Variants in ACCSL observed in about 807,000 individuals in gnomAD.
ACCSL encodes 1-aminocyclopropane-1-carboxylate synthase homolog (inactive) like, also known as probable inactive 1-aminocyclopropane-1-carboxylate synthase-like protein 2.
ACCSL carries 55 observed loss-of-function variants against 61.7 expected under a neutral mutation model. The ratio of observed to expected loss-of-function variants is 0.89; its 90% CI spans 0.72 to 1.12. The LOEUF (loss-of-function observed/expected upper bound fraction) is 1.12, where lower values mean the gene tolerates loss of function less well. Ranked by LOEUF, ACCSL falls within the 50% of genes most tolerant of loss-of-function variation. The pLI is 0.00. For synonymous variants in ACCSL, 258 were observed against 264.3 expected, an observed-to-expected ratio of 0.98 and a Z score of 0.23; for missense variants, 632 against 698.0, an observed-to-expected ratio of 0.91 and a Z score of 1.07.
At chr11:44,004,059 G>T in the ACCSL span, among the ~76,000 whole-genome samples, 17 of 152,112 alleles carry the variant, frequency 1.1e-4, no homozygotes, top group Non-Finnish European at 2.5e-4. Context: ...CCAGAATGAG[G>T]TATCTGGGAC....
At chr11:44,020,987 C>T in the ACCSL span, among the ~76,000 whole-genome samples, 180 of 152,090 alleles carry the variant, frequency 1.2e-3, 2 homozygotes, top group African/African-American at 4.2e-3. Context: ...AGTAGTATTC[C>T]ATGGTGTGTG....
At chr11:44,037,715 C>G in the ACCSL span, among the ~76,000 whole-genome samples, 2 of 152,174 alleles carry the variant, frequency 1.3e-5, no homozygotes, top group African/African-American at 4.8e-5. Context: ...TCATTCTTGT[C>G]TTCAGTCATT....
chr11:44,033,926 G>T, the ACCSL span, among the ~76,000 whole-genome samples: 1 of 145,228 alleles, frequency 6.9e-6, no homozygotes, highest in Non-Finnish European at 1.5e-5. Flanking sequence ...TCTAAGCAAA[G>T]TAATGAGATG....
intron 3 of ACCSL, among the ~76,000 whole-genome samples, chr11:44,050,840 C>CTTTTTT (rs66464203): frequency 2.4e-5 from 3 of 126,768 alleles, no homozygotes; most frequent in Non-Finnish European, 5.0e-5. Context: ...GGCCTGAGTT[C>CTTTTTT]TTTTTTTTTT....
At chr11:44,012,572 C>T in the ACCSL span, among the ~76,000 whole-genome samples, 2 of 152,188 alleles carry the variant, frequency 1.3e-5, no homozygotes, top group Non-Finnish European at 2.9e-5. Context: ...TAGGTGTGAG[C>T]CACTGTACCC....
the ACCSL span, among the ~76,000 whole-genome samples, chr11:43,957,845 C>G: frequency 1.3e-5 from 2 of 152,308 alleles, no homozygotes; most frequent in South Asian, 4.1e-4. Context: ...ACCGCCCCCC[C>G]AACAACTTCC....
rs80193986 is a variant in ACCSL at position 44,059,701 on chromosome 11, C to T, written c.1625-137C>T. 19 of 624,252 alleles carry T rather than the reference C, an allele frequency of 3.0e-5. No homozygotes were observed. The East Asian group carries it at 5.7e-4, about 19-fold the overall frequency. 38.7% of individuals were successfully genotyped at this position (624,252 alleles called of 1,614,324 possible). A position where few individuals can be genotyped will look rare whatever the true frequency, so the allele number is the denominator to read the frequency against. ...GCAACATGTAGACTTGGAAATCCAT[C>T]CCAAAGGTGGGAGGGCTGAAGTTCA... On this transcript the variant is annotated intron_variant, in intron 13 of 13. Coordinates refer to ENST00000378832, the MANE Select transcript of ACCSL (RefSeq NM_001031854.2).
chr11:44,024,136 A>G, the ACCSL span, among the ~76,000 whole-genome samples: 1 of 152,214 alleles, frequency 6.6e-6, no homozygotes, highest in Admixed American at 6.5e-5. Flanking sequence ...GGGCATCATC[A>G]GTCTACTGAT....
At chr11:43,946,738 C>T in the ACCSL span, among the ~76,000 whole-genome samples, 1 of 152,024 alleles carries the variant, frequency 6.6e-6, no homozygotes, top group Non-Finnish European at 1.5e-5. Flanking sequence ...CTTATTTGTC[C>T]CAGTTTCTTA....
the ACCSL span, among the ~76,000 whole-genome samples, chr11:44,038,593 G>C: frequency 1.3e-5 from 2 of 152,076 alleles, no homozygotes; most frequent in Admixed American, 1.3e-4. Context: ...TCAATGATTT[G>C]GGTTGTTAGA....
chr11:44,029,294 C>G, the ACCSL span, among the ~76,000 whole-genome samples: 1 of 152,276 alleles, frequency 6.6e-6, no homozygotes, highest in Non-Finnish European at 1.5e-5. Context: ...CAGCTTCTTG[C>G]TGTTCCTTCA....
At chr11:43,993,416 G>A in the ACCSL span, among the ~76,000 whole-genome samples, 1 of 152,154 alleles carries the variant, frequency 6.6e-6, no homozygotes, top group Non-Finnish European at 1.5e-5. Flanking sequence ...TCCTTCTCCA[G>A]AAGTGGGCTG....
At chr11:44,058,742 A>G (rs1323828899) in intron 13 of ACCSL, 43 bp downstream of exon 13, 25 of 1,573,396 alleles carry the variant, frequency 1.6e-5, no homozygotes, top group Non-Finnish European at 2.1e-5. Flanking sequence ...ACGCCCCATC[A>G]ATTTAATATG....
At chr11:43,978,204 T>G in the ACCSL span, among the ~76,000 whole-genome samples, 1 of 151,868 alleles carries the variant, frequency 6.6e-6, no homozygotes, top group Admixed American at 6.6e-5. Context: ...AGACAGGGAT[T>G]TCGTCATGTT....
chr11:43,943,875 C>T, the ACCSL span: 5 of 1,247,384 alleles, frequency 4.0e-6, no homozygotes, highest in Non-Finnish European at 4.2e-6. This position sits in a 1 kb window ranked among gnomAD's most constrained non-coding sequence, Gnocchi z 4.8. Flanking sequence ...AATATATTTG[C>T]ACAGTGCAGT....
At chr11:44,044,633 CAAG>C (rs1167482903), upstream of ACCSL, among the ~76,000 whole-genome samples, 4 of 151,930 alleles carry the variant, frequency 2.6e-5, no homozygotes, top group Non-Finnish European at 5.9e-5. Context: ...TGGTGTGTGG[CAAG>C]AAGAAGGAAG....
At chr11:43,982,226 C>CTTTTTTTT in the ACCSL span, among the ~76,000 whole-genome samples, 2 of 86,324 alleles carry the variant, frequency 2.3e-5, no homozygotes, top group African/African-American at 4.2e-5. Flanking sequence ...CCAAGGCCCT[C>CTTTTTTTT]TTTTTTTTTT....
the ACCSL span, chr11:43,942,426 A>AC: frequency 4.9e-6 from 1 of 204,360 alleles, no homozygotes; most frequent in Non-Finnish European, 1.0e-5. Flanking sequence ...TTCTCCCGGA[A>AC]CCCCCGCGGG....
chr11:44,020,138 G>A, the ACCSL span, among the ~76,000 whole-genome samples: 1 of 152,122 alleles, frequency 6.6e-6, no homozygotes, highest in Non-Finnish European at 1.5e-5. Context: ...AGTACCATAT[G>A]GTCTTGATTA....
Sources: allele counts gnomAD v4.1 joint callset (sites outside exome capture counted in the v4.1 genomes callset), GRCh38; gene constraint gnomAD v4.1.1; non-coding constraint Gnocchi (gnomAD v3.1); transcripts MANE v1.5; gene names NCBI Gene and HGNC (gene_info 2026-07-23, HGNC 2026-07-21).